Variants in SYNJ2 observed in about 807,000 individuals in gnomAD.
The protein encoded by SYNJ2 is polyphosphatidylinositol phosphatase SYNJ2.
In SYNJ2, 116 loss-of-function variants were observed where a neutral mutation model predicts 141.3. The observed-to-expected ratio is 0.82, with a 90% CI of 0.71 to 0.96. SYNJ2 has a LOEUF of 0.96. SYNJ2 is among the 40% of genes least tolerant of loss of function. SYNJ2 has a pLI of 0.00. For synonymous variants in SYNJ2, 745 were observed against 777.7 expected (o/e 0.96, Z 0.70); for missense variants, 1,873 against 1,934.8 (o/e 0.97, Z 0.60).
At chr6:158,000,064 CTTTTTTTTTTTTTTTTTTTT>C (rs58284240) in intron 1 of SYNJ2, among the ~76,000 whole-genome samples, 78 of 85,602 alleles carry the variant, frequency 9.1e-4, no homozygotes, top group African/African-American at 2.6e-3. Context: ...AGCCAAAAGG[CTTTTTTTTTTTTTTTTTTTT>C]TTTTTTTTTT....
intron 2 of SYNJ2, among the ~76,000 whole-genome samples, chr6:158,023,438 G>T (rs1183306184): frequency 6.6e-6 from 1 of 152,072 alleles, no homozygotes; most frequent in East Asian, 1.9e-4. Context: ...GAGAGGCAGC[G>T]CTCCACACAG....
chr6:158,020,965 G>T (rs767357623), intron 2 of SYNJ2, among the ~76,000 whole-genome samples: 9 of 152,164 alleles, frequency 5.9e-5, no homozygotes, highest in Admixed American at 1.3e-4. Flanking sequence ...AAAGCCCAAA[G>T]TTCCCCTTTC....
At chr6:158,017,459 G>A in intron 2 of SYNJ2, 169 bp downstream of exon 2, 1 of 982,628 alleles carries the variant, frequency 1.0e-6, no homozygotes. Context: ...TTGTTGCCCA[G>A]GCTGCAGTGC....
At position 158,096,361 on chromosome 6, in the gene SYNJ2, A is replaced by C. The variant is rs746898102; in HGVS notation, c.4488A>C (p.Thr1496=). Reference sequence around the variant, plus strand: ...AGGTGTTTGACCCACTGGCAAAAACATGACTGAGCAGCTTTGAAGGCTGCA... The same window carrying C: ...AGGTGTTTGACCCACTGGCAAAAACCTGACTGAGCAGCTTTGAAGGCTGCA... ...ALQVFDPLAK[T] The change falls in exon 27 of 27, where the codon ACA becomes ACC. Residue 1496 remains threonine (T), a synonymous_variant. Transcript: ENST00000355585. 1 of 1,600,368 alleles carries C rather than the reference A, an allele frequency of 6.2e-7. No individual in the cohort carries two copies. The highest frequency in any genetic ancestry group is 1.1e-5 in the South Asian group (1 of 88,732).
At chr6:157,981,310 G>C (rs1305878002), upstream of SYNJ2, among the ~76,000 whole-genome samples, 1 of 152,256 alleles carries the variant, frequency 6.6e-6, no homozygotes, top group East Asian at 1.9e-4. The surrounding 1 kb of genome is among the most constrained non-coding windows in gnomAD (Gnocchi z 6.4). Context: ...GAACGCTAGT[G>C]AAAGGTAACC....
At chr6:158,056,158 C>T (rs1453077166) in intron 6 of SYNJ2, among the ~76,000 whole-genome samples, 3 of 152,212 alleles carry the variant, frequency 2.0e-5, no homozygotes, top group East Asian at 3.8e-4. Flanking sequence ...ATGCTGGGTT[C>T]GCTTCAGGAA....
At chr6:157,992,367 A>G (rs1777473028) in intron 1 of SYNJ2, among the ~76,000 whole-genome samples, 1 of 145,662 alleles carries the variant, frequency 6.9e-6, no homozygotes, top group Admixed American at 6.9e-5. Flanking sequence ...AAGTGAGAAT[A>G]TGCAATGTTT....
chr6:158,032,195 TG>T (rs906702372), intron 3 of SYNJ2, among the ~76,000 whole-genome samples: 10 of 151,792 alleles, frequency 6.6e-5, no homozygotes, highest in Non-Finnish European at 7.4e-5. Flanking sequence ...GTGCTCCCTG[TG>T]GGGGTGCATG....
intron 20 of SYNJ2, among the ~76,000 whole-genome samples, chr6:158,081,846 T>G (rs955419710): frequency 2.0e-5 from 3 of 151,940 alleles, no homozygotes; most frequent in Non-Finnish European, 4.4e-5. Flanking sequence ...TGGAGTGCAT[T>G]GGGACAGTTA....
intron 2 of SYNJ2, among the ~76,000 whole-genome samples, chr6:158,019,153 G>C (rs1337903241): frequency 6.6e-6 from 1 of 152,218 alleles, no homozygotes; most frequent in Non-Finnish European, 1.5e-5. Context: ...GCTTCCTTCA[G>C]TTATAGTTGG....
chr6:158,000,943 CCATT>C (rs1157431629), intron 1 of SYNJ2, among the ~76,000 whole-genome samples: 9 of 152,246 alleles, frequency 5.9e-5, no homozygotes, highest in Admixed American at 4.6e-4. Flanking sequence ...CCACACCTCT[CCATT>C]CATTAAGGAG....
chr6:158,046,423 G>A (rs1362048742), intron 5 of SYNJ2, among the ~76,000 whole-genome samples: 2 of 152,198 alleles, frequency 1.3e-5, no homozygotes, highest in African/African-American at 4.8e-5. Flanking sequence ...GTGGTCTACC[G>A]TCACCGGCTT....
In SYNJ2 at chr6:158,055,010, A is replaced by G; in HGVS notation, c.839A>G (p.Asn280Ser). The change falls in exon 6 of 27, where the codon AAT becomes AGT. Residue 280 changes from asparagine to serine, a missense_variant. Asn to Ser is a conservative substitution (Grantham distance 46). Coordinates refer to ENST00000355585, the MANE Select transcript of SYNJ2 (RefSeq NM_003898.4). ...AGACTCCACAGAGGCCTGGAAGCCA[A>G]TGCCCCTGCTTTCGACAGGTAGGGA... ...HLRLHRGLEA[N>S]APAFDRHMVL... 5.0e-6 allele frequency: 8 copies of G among 1,613,992 alleles called. No individual in the cohort carries two copies. The highest frequency in any genetic ancestry group is 2.7e-5 in the African/African-American group (2 of 75,052).
chr6:158,063,916 T>C, intron 9 of SYNJ2, 44 bp downstream of exon 9: 1 of 1,598,212 alleles, frequency 6.3e-7, no homozygotes, highest in Non-Finnish European at 8.6e-7. Flanking sequence ...TGCCAGGTCC[T>C]GTGACTTCAG....
At chr6:158,083,285 G>A (rs1047986337) in intron 20 of SYNJ2, 144 bp from the exon 21 acceptor site, 4 of 933,026 alleles carry the variant, frequency 4.3e-6, no homozygotes, top group Non-Finnish European at 4.7e-6. Context: ...GAGCCTGCGT[G>A]AGGTCTGGAC....
rs1450254888 is a variant in SYNJ2, at chr6:158,071,723, G to C, written c.2062G>C (p.Ala688Pro). Residue 688 changes from alanine (A) to proline (P), a missense_variant, in exon 15 of 27, where the codon GCC (alanine) becomes CCC (proline). Transcript: ENST00000355585. This position sits in a 1 kb window ranked among gnomAD's most constrained non-coding sequence, Gnocchi z 4.3. ...SFCFICSHLT[A>P]GQSQVKERNE... ...CTGCTTCATATGTAGTCACCTGACG[G>C]CCGGGCAGTCCCAGGTGAAGGAGCG... The C allele has an allele frequency of 3.7e-6, 6 of 1,613,960 alleles. No individual in the cohort carries two copies. The highest frequency in any genetic ancestry group is 3.3e-5 in the Admixed American group (2 of 60,014).
At chr6:158,066,775 G>C in intron 12 of SYNJ2, 140 bp downstream of exon 12, 11 of 994,434 alleles carry the variant, frequency 1.1e-5, no homozygotes, top group Middle Eastern at 3.0e-4. Context: ...TAGCACCATG[G>C]CCTGACTCTC....
chr6:158,011,235 C>T (rs1778258995), intron 1 of SYNJ2, among the ~76,000 whole-genome samples: 1 of 152,106 alleles, frequency 6.6e-6, no homozygotes, highest in Non-Finnish European at 1.5e-5. Context: ...ACAGAACAAG[C>T]AGCAAACACA....
intron 5 of SYNJ2, among the ~76,000 whole-genome samples, chr6:158,053,548 CACCCATTA>C (rs1233081954): frequency 1.3e-5 from 2 of 151,828 alleles, no homozygotes; most frequent in Non-Finnish European, 2.9e-5. Flanking sequence ...ACCCATCTGT[CACCCATTA>C]ACCCATCCAT....
Sources: gnomAD v4.1 joint callset for allele counts (sites outside exome capture counted in the v4.1 genomes callset) on GRCh38, gnomAD v4.1.1 for gene constraint, Gnocchi (gnomAD v3.1) non-coding constraint, MANE v1.5 for transcripts, NCBI Gene and HGNC (gene_info 2026-07-23, HGNC 2026-07-21) for gene names.